Variants in TAFA2 observed in about 807,000 individuals in gnomAD.
TAFA2 encodes chemokine-like protein TAFA-2.
TAFA2 carries 7 observed loss-of-function variants against 18.8 expected under a neutral mutation model. The observed-to-expected ratio is 0.37, with a 90% CI of 0.21 to 0.70. The LOEUF (loss-of-function observed/expected upper bound fraction) is 0.70. Ranked by LOEUF, TAFA2 falls within the 30% of genes least tolerant of loss-of-function variation. TAFA2 has a pLI of 0.53. For synonymous variants in TAFA2, 60 were observed against 54.2 expected, an observed-to-expected ratio of 1.11 and a Z score of -0.47; for missense variants, 122 against 158.1, an observed-to-expected ratio of 0.77 and a Z score of 1.23.
chr12:62,146,189 C>T (rs1223171924), intron 1 of TAFA2, among the ~76,000 whole-genome samples: 1 of 152,020 alleles, frequency 6.6e-6, no homozygotes, highest in African/African-American at 2.4e-5. Flanking sequence ...CTCATCTCAC[C>T]TCAAGAAGGG....
intron 2 of TAFA2, among the ~76,000 whole-genome samples, chr12:61,797,347 G>A (rs1002644678): frequency 3.3e-5 from 5 of 151,928 alleles, no homozygotes; most frequent in African/African-American, 1.2e-4. Flanking sequence ...CTGCTCCTTT[G>A]GAGAAAAAAA....
chr12:61,860,890 T>C (rs1874098519), intron 2 of TAFA2, among the ~76,000 whole-genome samples: 1 of 152,232 alleles, frequency 6.6e-6, no homozygotes, highest in African/African-American at 2.4e-5. Flanking sequence ...ATCTGATTAA[T>C]GTTTTTCTCC....
intron 1 of TAFA2, among the ~76,000 whole-genome samples, chr12:62,207,522 A>G (rs2062697221): frequency 6.6e-6 from 1 of 151,932 alleles, no homozygotes; most frequent in South Asian, 2.1e-4. Flanking sequence ...ATGCACCCCT[A>G]TGGTCTCCTT....
intron 1 of TAFA2, among the ~76,000 whole-genome samples, chr12:62,137,879 T>A (rs1482720676): frequency 6.6e-6 from 1 of 152,136 alleles, no homozygotes; most frequent in Non-Finnish European, 1.5e-5. Flanking sequence ...ACTGCATGCC[T>A]TATGAAAGCC....
chr12:62,106,077 A>G (rs567707826), intron 1 of TAFA2, among the ~76,000 whole-genome samples: 29 of 152,298 alleles, frequency 1.9e-4, no homozygotes, highest in African/African-American at 6.7e-4. Flanking sequence ...TCACGCCTGT[A>G]ATCCCAGCAC....
intron 1 of TAFA2, among the ~76,000 whole-genome samples, chr12:62,099,339 A>G (rs1326895136): frequency 6.6e-6 from 1 of 152,182 alleles, no homozygotes; most frequent in Non-Finnish European, 1.5e-5. Flanking sequence ...CAAAAATGTG[A>G]TCAGTCTTCT....
chr12:61,938,320 T>G (rs1211800880), intron 1 of TAFA2, among the ~76,000 whole-genome samples: 1 of 151,878 alleles, frequency 6.6e-6, no homozygotes, highest in African/African-American at 2.4e-5. Context: ...GTATGGAGAC[T>G]TCTTTTTTTA....
At chr12:62,038,694 A>G (rs1488973179) in intron 1 of TAFA2, among the ~76,000 whole-genome samples, 1 of 152,164 alleles carries the variant, frequency 6.6e-6, no homozygotes, top group African/African-American at 2.4e-5. Flanking sequence ...TACAAAAAGA[A>G]AGGGAAAAAA....
At chr12:62,002,174 T>C (rs890995408) in intron 1 of TAFA2, among the ~76,000 whole-genome samples, 1 of 152,212 alleles carries the variant, frequency 6.6e-6, no homozygotes, top group Non-Finnish European at 1.5e-5. Context: ...CGTTTTCATA[T>C]AGCCTAGGAC....
chr12:62,181,241 G>T (rs560904789), intron 1 of TAFA2, among the ~76,000 whole-genome samples: 5 of 152,120 alleles, frequency 3.3e-5, no homozygotes, highest in African/African-American at 9.6e-5. Flanking sequence ...CTTCGGCATT[G>T]AAGAAACATA....
intron 4 of TAFA2, among the ~76,000 whole-genome samples, chr12:61,719,557 C>T (rs968604602): frequency 1.3e-5 from 2 of 152,146 alleles, no homozygotes; most frequent in African/African-American, 4.8e-5. Flanking sequence ...ACTCCTAGCC[C>T]TTCCCTCAAA....
chr12:61,923,540 A>T (rs779605844), intron 1 of TAFA2, among the ~76,000 whole-genome samples: 2 of 152,172 alleles, frequency 1.3e-5, no homozygotes, highest in African/African-American at 4.8e-5. Flanking sequence ...AAATAGTATC[A>T]GCATCAACAA....
intron 1 of TAFA2, among the ~76,000 whole-genome samples, chr12:62,198,565 T>C (rs2136966318): frequency 6.6e-6 from 1 of 152,224 alleles, no homozygotes; most frequent in Admixed American, 6.5e-5. Flanking sequence ...GCTTGTAGGA[T>C]TGCTACCTAC....
At chr12:62,001,315 G>A (rs1205386574) in intron 1 of TAFA2, among the ~76,000 whole-genome samples, 1 of 151,910 alleles carries the variant, frequency 6.6e-6, no homozygotes, top group African/African-American at 2.4e-5. Context: ...AGCAGGGAGT[G>A]GTTTTGGATG....
intron 1 of TAFA2, among the ~76,000 whole-genome samples, chr12:61,935,591 A>G (rs1877729023): frequency 6.6e-6 from 1 of 152,230 alleles, no homozygotes; most frequent in South Asian, 2.1e-4. Context: ...TTAAGAAAAA[A>G]TAATATGAAA....
chr12:61,792,946 A>C (rs1016651671), intron 2 of TAFA2, among the ~76,000 whole-genome samples: 1 of 151,696 alleles, frequency 6.6e-6, no homozygotes, highest in African/African-American at 2.4e-5. Flanking sequence ...GAAAATTACC[A>C]GTCAAATATA....
intron 1 of TAFA2, among the ~76,000 whole-genome samples, chr12:61,874,833 A>T (rs1341957514): frequency 6.6e-6 from 1 of 152,118 alleles, no homozygotes; most frequent in East Asian, 1.9e-4. Context: ...ATCACCATGC[A>T]TCTATTATTA....
intron 1 of TAFA2, among the ~76,000 whole-genome samples, chr12:62,104,584 T>A (rs1254266873): frequency 6.6e-6 from 1 of 152,198 alleles, no homozygotes; most frequent in Non-Finnish European, 1.5e-5. Context: ...TCATAGGTAA[T>A]CTGCTTAGAG....
chr12:62,127,023 A>G (rs1870489192), intron 1 of TAFA2, among the ~76,000 whole-genome samples: 1 of 152,120 alleles, frequency 6.6e-6, no homozygotes, highest in South Asian at 2.1e-4. Flanking sequence ...ATTTGAATTA[A>G]ACATCACATT....
Sources: allele counts gnomAD v4.1 joint callset (sites outside exome capture counted in the v4.1 genomes callset), GRCh38; gene constraint gnomAD v4.1.1; transcripts MANE v1.5; gene names NCBI Gene and HGNC (gene_info 2026-07-23, HGNC 2026-07-21).